The following FASN variants were observed in gnomAD, a reference collection of about 807,000 sequenced individuals.
FASN encodes 3-hydroxyacyl-[acyl-carrier-protein] dehydratase.
In FASN, 50 loss-of-function variants were observed where a neutral mutation model predicts 250.0. That is an observed-to-expected ratio of 0.20 (90% CI 0.16 to 0.25). The LOEUF is 0.25. FASN is among the 10% of genes least tolerant of loss of function. FASN has a pLI of 1.00. For missense variants in FASN, 3,031 were observed against 3,498.5 expected (o/e 0.87, Z 3.37); for synonymous variants, 1,909 against 1,584.0 (o/e 1.21, Z -4.87).
rs777769418 is a variant in FASN, at chr17:82,092,639, G to A, written c.895-50C>T. On this transcript the variant is annotated intron_variant, in intron 7 of 42. Coordinates refer to ENST00000306749, the MANE Select transcript of FASN (RefSeq NM_004104.5). ...GGCTCTGGCCAGGTCACCTCTCCAGGCATGGGCGTAGGTTAGGCTCATGGG... is the reference window on the plus strand; with the variant it reads ...GGCTCTGGCCAGGTCACCTCTCCAGACATGGGCGTAGGTTAGGCTCATGGG... 29 of 1,581,336 alleles carry A rather than the reference G, an allele frequency of 1.8e-5. No homozygotes were observed. In the South Asian group the frequency reaches 2.7e-4, roughly 15 times the overall value.
chr17:82,079,135 G>T lies in FASN; in HGVS notation c.*8C>A. ...GAGTGACCTCCGGTGGCAGGCGGGG[G>T]CACGGGCCTAGCCCTCCCGCACGCT... On this transcript the variant is annotated 3_prime_UTR_variant, in exon 43 of 43. Coordinates refer to ENST00000306749, the MANE Select transcript of FASN (RefSeq NM_004104.5). The T allele has an allele frequency of 6.2e-7, 1 of 1,609,516 alleles. No individual in the cohort carries two copies.
intron 2 of FASN, among the ~76,000 whole-genome samples, chr17:82,096,042 G>A (rs551573203): frequency 6.6e-6 from 1 of 152,364 alleles, no homozygotes; most frequent in Non-Finnish European, 1.5e-5. Flanking sequence ...CCAGCCCTCG[G>A]CCTTGCAGCC....
chr17:82,091,232 G>A lies in FASN; in HGVS notation c.1482C>T (p.Phe494=), dbSNP rs1246697960. The change falls in exon 9 of 43, where the codon TTC becomes TTT. Residue 494 remains phenylalanine (F), a synonymous_variant. Coordinates refer to ENST00000306749, the MANE Select transcript of FASN (RefSeq NM_004104.5). ...QVPAGERPLW[F]ICSGMGTQWR... ...AGAGTGTGGGCTCACCAGAGCAGAT[G>A]AACCAGAGCGGGCGCTCGCCAGCGG... 1 of 1,600,696 alleles carries A rather than the reference G, an allele frequency of 6.2e-7. No individual in the cohort carries two copies. The highest frequency in any genetic ancestry group is 8.5e-7 in the Non-Finnish European group (1 of 1,175,094).
intron 15 of FASN, 40 bp downstream of exon 15, chr17:82,088,721 C>A (rs777008444): frequency 2.5e-6 from 4 of 1,584,234 alleles, no homozygotes; most frequent in Admixed American, 3.4e-5. Context: ...ACGCCGTCCC[C>A]GACTCCGGGA....
chr17:82,086,688 G>A, intron 21 of FASN, 130 bp from the exon 22 acceptor site: 1 of 772,756 alleles, frequency 1.3e-6, no homozygotes, highest in Non-Finnish European at 2.2e-6. Context: ...AAATAGCTGA[G>A]GGTTGAGGAA....
intron 10 of FASN, 94 bp from the exon 11 acceptor site, chr17:82,090,658 G>A (rs574803847): frequency 5.5e-5 from 68 of 1,239,764 alleles, no homozygotes; most frequent in East Asian, 3.5e-4. Context: ...CCACCCCCGC[G>A]CCCCATCGAC....
rs540068904 is a variant in FASN at position 82,092,349 on chromosome 17, G to A, written c.1029+106C>T. 3.5e-5 allele frequency: 43 copies of A among 1,236,522 alleles called. No individual in the cohort carries two copies. In the African/African-American group the frequency reaches 5.8e-4, roughly 17 times the overall value. The allele number at this position is 1,236,522 out of a possible 1,614,324, so 76.6% of individuals were successfully genotyped here. On this transcript the variant is annotated intron_variant, in intron 8 of 42. Coordinates refer to ENST00000306749, the MANE Select transcript of FASN (RefSeq NM_004104.5). ...GGGGACAGAGGCTCCTGGTGGGGAA[G>A]CCCCCGCCTCCACTTGGCAAAGAGA... is the stretch of plus-strand genomic sequence containing the variant.
At position 82,079,230 on chromosome 17, in the gene FASN, C is replaced by T. The variant is rs905935955; in HGVS notation, c.7449G>A (p.Thr2483=). The change falls in exon 43 of 43, where the codon ACG becomes ACA. Residue 2483 remains threonine (T), a synonymous_variant. Coordinates refer to ENST00000306749, the MANE Select transcript of FASN (RefSeq NM_004104.5). ...ACTCCAGGCCGCTGCCCTCCAGCAG[C>T]GTGCGGTGGTCACCCTCGATGACGT... ...SVHVIEGDHR[T]LLEGSGLESI... The T allele has an allele frequency of 6.2e-6, 10 of 1,612,910 alleles. No homozygotes were observed. Among genetic ancestry groups the T allele is most frequent in the East Asian group, 4.5e-5 (2 of 44,892 alleles).
At chr17:82,085,185 C>T in intron 24 of FASN, 29 bp from the exon 25 acceptor site, 1 of 1,612,418 alleles carries the variant, frequency 6.2e-7, no homozygotes, top group Non-Finnish European at 8.5e-7. Flanking sequence ...GGTCAGGCCA[C>T]ACTCGGCAAG....
At chr17:82,093,880 G>A in intron 3 of FASN, 109 bp from the exon 4 acceptor site, 1 of 1,182,556 alleles carries the variant, frequency 8.5e-7, no homozygotes, top group Non-Finnish European at 1.2e-6. Flanking sequence ...ACTGGCTTGG[G>A]GTGAGGGGGG....
chr17:82,096,542 G>A, intron 1 of FASN, 90 bp from the exon 2 acceptor site: 1 of 1,583,186 alleles, frequency 6.3e-7, no homozygotes. Flanking sequence ...GGACACCCAT[G>A]GGGCCAAGCA....
In FASN at chr17:82,086,927, T is replaced by C. The variant is rs913796694; in HGVS notation, c.3427+123A>G. On this transcript the variant is annotated intron_variant, in intron 21 of 42. Transcript: ENST00000306749. ...GCCATCGTGAGCTCCGGCCGGAGGG[T>C]TGGGCTAGGGTTGCTGACCCCAAAG... is the stretch of plus-strand genomic sequence containing the variant. The C allele has an allele frequency of 5.6e-6, 6 of 1,079,236 alleles. No homozygotes were observed. In the Admixed American group the frequency reaches 8.0e-5, roughly 14 times the overall value. The allele number at this position is 1,079,236 out of a possible 1,614,324, so 66.9% of individuals were successfully genotyped here.
chr17:82,092,373 G>C, intron 8 of FASN, 82 bp downstream of exon 8: 1 of 1,448,508 alleles, frequency 6.9e-7, no homozygotes, highest in Admixed American at 2.0e-5. Flanking sequence ...TTGGCAAAGA[G>C]AAAGCAGCAG....
Position 82,085,804 on chromosome 17 carries a change from T to C in FASN, c.3800A>G (p.Gln1267Arg). ...PGLLSPHPLLQLSYTATDRHP... is the reference protein window; with the variant it reads ...PGLLSPHPLLRLSYTATDRHP... ...GCGGTCGGTGGCCGTGTAGCTCAGC[T>C]GCAGCAGGGGATGGGGGCTGAGCAG... The change falls in exon 23 of 43, where the codon CAG becomes CGG. Residue 1267 changes from glutamine to arginine, a missense_variant. By Grantham distance (43) the Gln-to-Arg change is conservative. Transcript: ENST00000306749. 1 of 1,563,210 alleles carries C rather than the reference T, an allele frequency of 6.4e-7. No individual in the cohort carries two copies.
intron 22 of FASN, 41 bp from the exon 23 acceptor site, chr17:82,085,912 G>A (rs754356020): frequency 1.3e-6 from 2 of 1,491,834 alleles, no homozygotes; most frequent in East Asian, 2.5e-5. Flanking sequence ...ACACCAGGCA[G>A]GTGCCCCTGA....
At chr17:82,097,805 C>A (rs1475431517) in intron 1 of FASN, among the ~76,000 whole-genome samples, 1 of 152,066 alleles carries the variant, frequency 6.6e-6, no homozygotes, top group Non-Finnish European at 1.5e-5. Context: ...CCTTTGTGGG[C>A]GCGGGGAGGC....
chr17:82,083,904 G>A lies in FASN; in HGVS notation c.5099-13C>T. On this transcript the variant is annotated splice_polypyrimidine_tract_variant and intron_variant, in intron 29 of 42. Transcript: ENST00000306749. ...TTCTCAGCCGACCCTGGTGAAGAGAGGAAGCGCGGCTGGTGAGCCAGGGCG... is the reference window on the plus strand; with the variant it reads ...TTCTCAGCCGACCCTGGTGAAGAGAAGAAGCGCGGCTGGTGAGCCAGGGCG... 1 of 1,558,570 alleles carries A rather than the reference G, an allele frequency of 6.4e-7. No individual in the cohort carries two copies. Among genetic ancestry groups the A allele is most frequent in the Middle Eastern group, 1.7e-4 (1 of 5,974 alleles).
Position 82,087,553 on chromosome 17 carries a change from C to A in FASN, c.3044-49G>T, listed in dbSNP as rs372279572. 7.4e-5 allele frequency: 119 copies of A among 1,606,894 alleles called. No homozygotes were observed. The African/African-American group carries it at 1.3e-3, about 17-fold the overall frequency. On this transcript the variant is annotated intron_variant, in intron 19 of 42. Transcript: ENST00000306749. ...CTGTGGAACTCCCAGGTCCCTGGGG[C>A]CACCTCCCAGAGCCCACCGGGCCCC...
rs766010518 is a variant in FASN at position 82,084,111 on chromosome 17, C to G, written c.4962G>C (p.Thr1654=). The part of the protein sequence containing the change: ...EAASVPVVYS[T]AYYALVVRGR... ...CACGCACCACCAGCGCGTAGTAGGC[C>G]GTGCTGTAGACGACAGGCACCGAGG... The change falls in exon 29 of 43, where the codon ACG becomes ACC. Residue 1654 remains threonine (T), a synonymous_variant. Coordinates refer to ENST00000306749, the MANE Select transcript of FASN (RefSeq NM_004104.5). 55 of 1,576,672 alleles carry G rather than the reference C, an allele frequency of 3.5e-5. No homozygotes were observed. The highest frequency in any genetic ancestry group is 4.4e-5 in the Non-Finnish European group (51 of 1,162,682).
Sources: gnomAD v4.1 joint callset for allele counts (sites outside exome capture counted in the v4.1 genomes callset) on GRCh38, gnomAD v4.1.1 for gene constraint, MANE v1.5 for transcripts, NCBI Gene and HGNC (gene_info 2026-07-23, HGNC 2026-07-21) for gene names.